Variants in SEPTIN1 observed in about 807,000 individuals in gnomAD.
SEPTIN1 encodes the protein septin 1, also known as septin-1.
Under a neutral mutation model 50.7 loss-of-function variants are expected in SEPTIN1, and 52 were observed. That is an observed-to-expected ratio of 1.03 (90% CI 0.82 to 1.29). SEPTIN1 has a LOEUF of 1.29. Among genes scored for constraint, SEPTIN1 ranks in the 50% most tolerant of loss-of-function variants. The probability of loss-of-function intolerance (pLI) is 0.00; values close to 1 mark genes in which losing one functional copy is unlikely to be tolerated. For synonymous variants in SEPTIN1, 204 were observed against 189.1 expected (o/e 1.08, Z -0.65); for missense variants, 455 against 490.7 (o/e 0.93, Z 0.69).
chr16:30,382,115 A>G lies in SEPTIN1; in HGVS notation c.174T>C (p.Asp58=), dbSNP rs36102695. ...NSLFLTNLYE[D]RQVPEASARL... The stretch of plus-strand genomic sequence containing the variant: ...TACCACTGGCCTCTGGCACCTGGCG[A>G]TCCTCATAGAGGTTGGTGAGGAAGA... The change falls in exon 3 of 11, where the codon GAT becomes GAC. Residue 58 remains aspartate, a synonymous_variant. Transcript: ENST00000321367. This position sits in a 1 kb window ranked among gnomAD's most constrained non-coding sequence, Gnocchi z 4.8. 18 of 1,584,208 alleles carry G rather than the reference A, an allele frequency of 1.1e-5. No individual in the cohort carries two copies. In the African/African-American group the frequency reaches 2.3e-4, roughly 20 times the overall value.
chr16:30,379,251 G>C (rs1405992184), intron 8 of SEPTIN1, 68 bp from the exon 9 acceptor site: 21 of 1,583,712 alleles, frequency 1.3e-5, no homozygotes, highest in Non-Finnish European at 1.7e-5. Context: ...CGTAAGGGTC[G>C]GGTCTACAGG....
chr16:30,380,118 A>T lies in SEPTIN1; in HGVS notation c.574-85T>A, dbSNP rs1156296088. ...ACCAGAGACAGTGAGACACAGAGAT[A>T]CTGGGTGGTCAGAGACAGAGAGAAA... is the stretch of plus-strand genomic sequence containing the variant. On this transcript the variant is annotated intron_variant, in intron 6 of 10. Coordinates refer to ENST00000321367, the MANE Select transcript of SEPTIN1 (RefSeq NM_001365977.2). The T allele has an allele frequency of 6.1e-6, 7 of 1,141,656 alleles. No homozygotes were observed. The African/African-American group carries it at 1.1e-4, about 18-fold the overall frequency. The allele number at this position is 1,141,656 out of a possible 1,614,324, so 70.7% of individuals were successfully genotyped here. A position where few individuals can be genotyped will look rare whatever the true frequency, so the allele number is the denominator to read the frequency against.
rs1373832784 is a variant in SEPTIN1, at chr16:30,378,450, T to G, written c.1103A>C (p.Gln368Pro). 5.1e-6 allele frequency: 8 copies of G among 1,572,124 alleles called. No homozygotes were observed. Among genetic ancestry groups the G allele is most frequent in the Non-Finnish European group, 6.9e-6 (8 of 1,166,300 alleles). The change falls in exon 11 of 11, where the codon CAG (glutamine) becomes CCG (proline). Residue 368 changes from glutamine to proline, a missense_variant. Physicochemically the swap from Gln to Pro is moderately conservative, Grantham distance 76 (BLOSUM62 -1). Transcript: ENST00000321367. ...GGCGTGGCCTCAGAGGGCGTCTGAC[T>G]GCTCGCCCTGGGCCTGGCTCTGCTG... Reference protein sequence around the residue: ...QMQQSQAQGEQSDAL With the variant: ...QMQQSQAQGEPSDAL
chr16:30,381,687 A>G lies in SEPTIN1; in HGVS notation c.320+73T>C, dbSNP rs1340712597. On this transcript the variant is annotated intron_variant, in intron 4 of 10. Transcript: ENST00000321367. The surrounding 1 kb of genome is among the most constrained non-coding windows in gnomAD (Gnocchi z 4.3). ...CCTTTTGAGATAGGGAGCCAGCACA[A>G]ACCAGTCCTGTAACTCTCCAGGGAG... The G allele has an allele frequency of 5.0e-6, 8 of 1,589,196 alleles. No individual in the cohort carries two copies. The highest frequency in any genetic ancestry group is 6.9e-6 in the Non-Finnish European group (8 of 1,167,796).
At chr16:30,378,925 C>T in intron 9 of SEPTIN1, 93 bp downstream of exon 9, 1 of 1,282,846 alleles carries the variant, frequency 7.8e-7, no homozygotes, top group Admixed American at 2.0e-5. Context: ...GTGGTGAAGG[C>T]GGAGTCACGG....
Position 30,382,561 on chromosome 16 carries a change from T to C in SEPTIN1, c.-19A>G. 4 of 1,585,806 alleles carry C rather than the reference T, an allele frequency of 2.5e-6. No homozygotes were observed. The South Asian group carries it at 4.6e-5, about 18-fold the overall frequency. On this transcript the variant is annotated 5_prime_UTR_variant, in exon 1 of 11. Coordinates refer to ENST00000321367, the MANE Select transcript of SEPTIN1 (RefSeq NM_001365977.2). This position sits in a 1 kb window ranked among gnomAD's most constrained non-coding sequence, Gnocchi z 4.8. The stretch of plus-strand genomic sequence containing the variant: ...CAGCCATCACTGCACCTGCCGTCTC[T>C]CCCCACTTCCTCTGGTGGGGCAGGA...
chr16:30,382,664 G>C (rs993783587), upstream of SEPTIN1: 3 of 1,534,262 alleles, frequency 2.0e-6, no homozygotes, highest in Non-Finnish European at 2.6e-6. The surrounding 1 kb of genome is among the most constrained non-coding windows in gnomAD (Gnocchi z 4.8). Context: ...AGAGAGGTGG[G>C]GAAGGCCAAG....
Position 30,378,665 on chromosome 16 carries a change from A to G in SEPTIN1, c.977T>C (p.Leu326Pro). The change falls in exon 10 of 11, where the codon CTG becomes CCG. Residue 326 changes from leucine (L) to proline (P), a missense_variant. Physicochemically the swap from Leu to Pro is moderately conservative, Grantham distance 98. Transcript: ENST00000321367. Reference sequence around the variant, plus strand: ...GGTGTCCGCCAGAGGCAGCATGGGCAGCGGGATCTCTGTGGCGCTCTGGCG... The same window carrying G: ...GGTGTCCGCCAGAGGCAGCATGGGCGGCGGGATCTCTGTGGCGCTCTGGCG... The part of the protein sequence containing the change: ...LSRQSATEIP[L>P]PMLPLADTEK... The G allele has an allele frequency of 6.2e-7, 1 of 1,609,528 alleles. No individual in the cohort carries two copies. Among genetic ancestry groups the G allele is most frequent in the South Asian group, 1.1e-5 (1 of 91,042 alleles).
intron 6 of SEPTIN1, chr16:30,380,843 G>T (rs1167119582): frequency 4.2e-6 from 2 of 470,700 alleles, no homozygotes; most frequent in East Asian, 7.9e-5. Flanking sequence ...CTGAAGACAC[G>T]GGGTGGGGGC....
At position 30,381,843 on chromosome 16, in the gene SEPTIN1, T is replaced by A. The variant is rs753640102; in HGVS notation, c.237A>T (p.Val79=). The A allele has an allele frequency of 6.4e-5, 104 of 1,613,468 alleles. No homozygotes were observed. Among genetic ancestry groups the A allele is most frequent in the Non-Finnish European group, 8.3e-5 (98 of 1,179,652 alleles). ...CTTTCACACCCCCTTCCTCAATCTC[T>A]ACGCCCCGGCGCTCAATGGCCAGGG... The part of the protein sequence containing the change: ...TQTLAIERRG[V]EIEEGGVKVK... Residue 79 remains valine (V), a synonymous_variant, in exon 4 of 11, where the codon GTA becomes GTT. Coordinates refer to ENST00000321367, the MANE Select transcript of SEPTIN1 (RefSeq NM_001365977.2). The surrounding 1 kb of genome is among the most constrained non-coding windows in gnomAD (Gnocchi z 4.3).
In SEPTIN1 at chr16:30,379,189, G is replaced by T. The variant is rs745646718; in HGVS notation, c.776-6C>A. The T allele has an allele frequency of 9.9e-6, 16 of 1,613,442 alleles. No homozygotes were observed. The highest frequency in any genetic ancestry group is 1.2e-5 in the Non-Finnish European group (14 of 1,179,508). On this transcript the variant is annotated splice_region_variant and splice_polypyrimidine_tract_variant and intron_variant, in intron 8 of 10. Coordinates refer to ENST00000321367, the MANE Select transcript of SEPTIN1 (RefSeq NM_001365977.2). ...GCAGTGATGTGGGTTCTCCACTGGA[G>T]GGGGGGCGGCGCGGACCAGCGAACG...
chr16:30,379,339 G>C (rs1408564056), intron 8 of SEPTIN1, 96 bp downstream of exon 8: 1 of 1,436,452 alleles, frequency 7.0e-7, no homozygotes, highest in African/African-American at 1.4e-5. Context: ...GATCCCCTGG[G>C]ACCAAAGCCC....
Position 30,381,904 on chromosome 16 carries a change from C to T in SEPTIN1, c.197-21G>A. 4 of 1,613,722 alleles carry T rather than the reference C, an allele frequency of 2.5e-6. No individual in the cohort carries two copies. In the Admixed American group the frequency reaches 6.7e-5, roughly 27 times the overall value. ...GCGAGCTGTGGGATGGGGGAGAGGT[C>T]AGGGATCCGGGGAGGCTCTGAGGCA... On this transcript the variant is annotated intron_variant, in intron 3 of 10. Transcript: ENST00000321367. The surrounding 1 kb of genome is among the most constrained non-coding windows in gnomAD (Gnocchi z 4.3).
chr16:30,379,316 C>G, intron 8 of SEPTIN1, 119 bp downstream of exon 8: 1 of 1,435,628 alleles, frequency 7.0e-7, no homozygotes, highest in Non-Finnish European at 9.7e-7. Context: ...CAGCGACCCC[C>G]CTTTCCTCCT....
intron 7 of SEPTIN1, 104 bp from the exon 8 acceptor site, chr16:30,379,638 CTCTT>C: frequency 3.4e-6 from 1 of 295,684 alleles, no homozygotes; most frequent in Non-Finnish European, 5.7e-6. Context: ...CTGCCCCTTC[CTCTT>C]TTTTTTTTTT....
Position 30,379,070 on chromosome 16 carries a change from G to A in SEPTIN1, c.889C>T (p.Arg297Cys), listed in dbSNP as rs2049799986. 1 of 1,613,848 alleles carries A rather than the reference G, an allele frequency of 6.2e-7. No individual in the cohort carries two copies. Among genetic ancestry groups the A allele is most frequent in the African/African-American group, 1.3e-5 (1 of 74,880 alleles). ...HDLLYEGYRARCLQSLARPGA... is the reference protein window; with the variant it reads ...HDLLYEGYRACCLQSLARPGA... The stretch of plus-strand genomic sequence containing the variant: ...GGCCGGGCCAGGCTCTGTAGGCAGC[G>A]GGCCCGGTAGCCCTCGTAGAGCAGA... The change falls in exon 9 of 11, where the codon CGC becomes TGC. Residue 297 changes from arginine to cysteine, a missense_variant. By Grantham distance (180) the Arg-to-Cys change is radical. Coordinates refer to ENST00000321367, the MANE Select transcript of SEPTIN1 (RefSeq NM_001365977.2).
At chr16:30,379,298 C>T in intron 8 of SEPTIN1, 115 bp from the exon 9 acceptor site, 1 of 1,479,202 alleles carries the variant, frequency 6.8e-7, no homozygotes, top group Non-Finnish European at 9.3e-7. Flanking sequence ...GGTCCGCGGT[C>T]TGCAGCCCAG....
Position 30,381,297 on chromosome 16 carries a change from C to G in SEPTIN1, c.455+42G>C. Reference sequence around the variant, plus strand: ...GCCTCAGGGGGCAGAGACCCCCCAGCCCTCCCTAAATGCGCCAGCCCCCAG... The same window carrying G: ...GCCTCAGGGGGCAGAGACCCCCCAGGCCTCCCTAAATGCGCCAGCCCCCAG... On this transcript the variant is annotated intron_variant, in intron 5 of 10. Coordinates refer to ENST00000321367, the MANE Select transcript of SEPTIN1 (RefSeq NM_001365977.2). The surrounding 1 kb of genome is among the most constrained non-coding windows in gnomAD (Gnocchi z 4.3). 1.9e-6 allele frequency: 3 copies of G among 1,609,074 alleles called. No individual in the cohort carries two copies. Among genetic ancestry groups the G allele is most frequent in the Non-Finnish European group, 2.6e-6 (3 of 1,176,012 alleles).
intron 8 of SEPTIN1, 74 bp from the exon 9 acceptor site, chr16:30,379,257 A>T: frequency 6.3e-7 from 1 of 1,575,690 alleles, no homozygotes; most frequent in Non-Finnish European, 8.7e-7. Flanking sequence ...GGTCGGGTCT[A>T]CAGGAAAGTC....
Sources: allele counts gnomAD v4.1 joint callset, GRCh38; gene constraint gnomAD v4.1.1; non-coding constraint Gnocchi (gnomAD v3.1); transcripts MANE v1.5; gene names NCBI Gene and HGNC (gene_info 2026-07-23, HGNC 2026-07-21).